The following RGS17 variants were observed in gnomAD, a reference collection of about 807,000 sequenced individuals.
The protein encoded by RGS17 is regulator of G protein signaling 17.
A neutral mutation model predicts 25.5 loss-of-function variants in RGS17; 12 were observed. The ratio of observed to expected loss-of-function variants is 0.47; its 90% CI spans 0.30 to 0.76. The LOEUF is 0.76. Ranked by LOEUF, RGS17 falls within the 30% of genes least tolerant of loss-of-function variation. RGS17 has a pLI of 0.07. For missense variants in RGS17, 196 were observed against 242.2 expected, an observed-to-expected ratio of 0.81 and a Z score of 1.27; for synonymous variants, 71 against 76.9, an observed-to-expected ratio of 0.92 and a Z score of 0.40.
At position 153,085,696 on chromosome 6, in the gene RGS17, C is replaced by A. The variant is rs910755304; in HGVS notation, c.-25-41653G>T. 3.3e-5 allele frequency among the ~76,000 whole-genome samples: 5 copies of A among 152,162 alleles called. No homozygotes were observed. In the East Asian group the frequency reaches 9.6e-4, roughly 29 times the overall value. ...ACAAAATGTCTGATTCTCTCCGTAA[C>A]GATGAATGGCATTAATAAATATTAC... On this transcript the variant is annotated intron_variant, in intron 1 of 4. Transcript: ENST00000206262.
chr6:153,054,042 T>C (rs142180697), intron 1 of RGS17, among the ~76,000 whole-genome samples: 4,460 of 47,798 alleles, frequency 0.093, 115 homozygotes, highest in South Asian at 0.12. Context: ...TACATATATA[T>C]GTATATATGT....
intron 2 of RGS17, 32 bp from the exon 3 acceptor site, chr6:153,026,575 A>G (rs778845473): frequency 3.9e-6 from 6 of 1,532,712 alleles, no homozygotes; most frequent in South Asian, 1.1e-5. Context: ...AATTTTGTCA[A>G]GGGAAATTCA....
chr6:153,012,718 T>C (rs940056505), intron 4 of RGS17, among the ~76,000 whole-genome samples: 2 of 152,236 alleles, frequency 1.3e-5, no homozygotes, highest in East Asian at 3.9e-4. Flanking sequence ...TAGCAAGGAA[T>C]AGGACCTGTG....
chr6:153,016,443 A>C (rs1017032491), intron 4 of RGS17, among the ~76,000 whole-genome samples: 1 of 151,938 alleles, frequency 6.6e-6, no homozygotes, highest in Admixed American at 6.5e-5. Context: ...ATTAGAGATT[A>C]AAAAAGGGGG....
intron 3 of RGS17, among the ~76,000 whole-genome samples, chr6:153,024,951 TC>T (rs1216175455): frequency 6.6e-6 from 1 of 152,148 alleles, no homozygotes; most frequent in Non-Finnish European, 1.5e-5. Context: ...GCCATTTTTT[TC>T]ATCTGTCACT....
At position 153,118,349 on chromosome 6, in the gene RGS17, C is replaced by T. The variant is rs367754703; in HGVS notation, c.-26+12775G>A. ...GAAACAGCAACTTAAAGCAAACCTG[C>T]ATCTTCAGCAGAACCACTGTTCATC... On this transcript the variant is annotated intron_variant, in intron 1 of 4. Transcript: ENST00000206262. Among the ~76,000 whole-genome samples the T allele has an allele frequency of 3.3e-5, 5 of 152,326 alleles. No homozygotes were observed. In the South Asian group the frequency reaches 1.0e-3, roughly 32 times the overall value.
rs76394054 is a variant in RGS17, at chr6:153,077,049, A to T, written c.-25-33006T>A. 3.3e-3 allele frequency among the ~76,000 whole-genome samples: 510 copies of T among 152,260 alleles called. 8 individuals are homozygous for T. In the East Asian group the frequency reaches 0.071, roughly 21 times the overall value. ...TTTTAGAAAACATCACTAATGAGGG[A>T]CCACCTGACATTGTGTGCCTCATAA... On this transcript the variant is annotated intron_variant, in intron 1 of 4. Coordinates refer to ENST00000206262, the MANE Select transcript of RGS17 (RefSeq NM_012419.5).
At chr6:153,020,112 AT>A (rs796606380) in intron 4 of RGS17, among the ~76,000 whole-genome samples, 223 of 36,044 alleles carry the variant, frequency 6.2e-3, no homozygotes, top group African/African-American at 0.017. Flanking sequence ...AAAAAAAAAA[AT>A]ATATATATAT....
intron 1 of RGS17, among the ~76,000 whole-genome samples, chr6:153,056,103 A>T (rs1273726942): frequency 6.6e-6 from 1 of 152,246 alleles, no homozygotes; most frequent in Non-Finnish European, 1.5e-5. Flanking sequence ...ATGGCAATTT[A>T]GAATGCATTA....
At chr6:153,101,709 ACTTC>A (rs1302290775) in intron 1 of RGS17, among the ~76,000 whole-genome samples, 1 of 151,906 alleles carries the variant, frequency 6.6e-6, no homozygotes, top group African/African-American at 2.4e-5. Flanking sequence ...ATGGGGGCAG[ACTTC>A]CTCCTTGCTG....
At chr6:153,025,671 T>TATATATAAACATATATATAA in intron 3 of RGS17, among the ~76,000 whole-genome samples, 1 of 140,798 alleles carries the variant, frequency 7.1e-6, no homozygotes, top group African/African-American at 2.6e-5. Flanking sequence ...CATATATATA[T>TATATATAAACATATATATAA]AAACATATAT....
intron 1 of RGS17, among the ~76,000 whole-genome samples, chr6:153,099,755 TCA>T (rs1287783843): frequency 6.6e-6 from 1 of 152,168 alleles, no homozygotes; most frequent in Non-Finnish European, 1.5e-5. Context: ...TCTCTACACT[TCA>T]GTTTCCTTAT....
At chr6:153,113,366 C>T (rs1256961324) in intron 1 of RGS17, among the ~76,000 whole-genome samples, 1 of 151,982 alleles carries the variant, frequency 6.6e-6, no homozygotes, top group African/African-American at 2.4e-5. Context: ...GGATCAATGC[C>T]GCAAGAAGAG....
At chr6:153,105,065 G>A (rs1157134072) in intron 1 of RGS17, among the ~76,000 whole-genome samples, 3 of 152,182 alleles carry the variant, frequency 2.0e-5, no homozygotes, top group African/African-American at 7.2e-5. Context: ...CAAAGGCATG[G>A]GGGTGGACAG....
chr6:153,011,828 G>A, intron 4 of RGS17, 66 bp from the exon 5 acceptor site: 2 of 1,175,950 alleles, frequency 1.7e-6, no homozygotes, highest in Non-Finnish European at 2.4e-6. Context: ...TTAAGTAACT[G>A]TAGGTTTGTG....
At chr6:153,117,034 T>C (rs781242914) in intron 1 of RGS17, among the ~76,000 whole-genome samples, 3 of 152,088 alleles carry the variant, frequency 2.0e-5, no homozygotes, top group Non-Finnish European at 4.4e-5. Flanking sequence ...GTAACAAACC[T>C]GCATGTTCTG....
chr6:153,016,253 T>C (rs921750816), intron 4 of RGS17, among the ~76,000 whole-genome samples: 6 of 152,212 alleles, frequency 3.9e-5, no homozygotes, highest in Non-Finnish European at 8.8e-5. Context: ...TACCTGAAAA[T>C]GTATTTTTGC....
intron 1 of RGS17, among the ~76,000 whole-genome samples, chr6:153,087,345 T>G (rs1777065252): frequency 6.6e-6 from 1 of 152,208 alleles, no homozygotes; most frequent in African/African-American, 2.4e-5. Context: ...ATATACATAA[T>G]GATGAAAAAT....
intron 1 of RGS17, among the ~76,000 whole-genome samples, chr6:153,066,450 C>A (rs1425522807): frequency 1.3e-5 from 2 of 152,084 alleles, no homozygotes; most frequent in African/African-American, 4.8e-5. Flanking sequence ...CAATCCTACT[C>A]AAACTATTCT....
Sources: allele counts gnomAD v4.1 joint callset (sites outside exome capture counted in the v4.1 genomes callset), GRCh38; gene constraint gnomAD v4.1.1; transcripts MANE v1.5; gene names NCBI Gene and HGNC (gene_info 2026-07-23, HGNC 2026-07-21).